DNAI4: variants seen among roughly 807,000 people sequenced by gnomAD.
The protein encoded by DNAI4 is dynein axonemal intermediate chain 4.
A neutral mutation model predicts 105.8 loss-of-function variants in DNAI4; 85 were observed. That is an observed-to-expected ratio of 0.80 (90% CI 0.67 to 0.96). The LOEUF (loss-of-function observed/expected upper bound fraction) is 0.96, where lower values mean the gene tolerates loss of function less well. DNAI4 is among the 40% of genes least tolerant of loss of function. DNAI4 has a pLI of 0.00. For missense variants in DNAI4, 1,014 were observed against 1,005.6 expected, an observed-to-expected ratio of 1.01 and a Z score of -0.11; for synonymous variants, 352 against 331.5, an observed-to-expected ratio of 1.06 and a Z score of -0.67.
Position 66,871,442 on chromosome 1 carries a change from T to A in DNAI4, c.868A>T (p.Met290Leu), listed in dbSNP as rs751583729. 6.2e-7 allele frequency: 1 copy of A among 1,610,682 alleles called. No homozygotes were observed. Among genetic ancestry groups the A allele is most frequent in the Non-Finnish European group, 8.5e-7 (1 of 1,177,426 alleles). ...GGTGCTCCATTGAAAGTCTGCATCA[T>A]CCTTTCAACATATAGGTCATTGCCT... ...RLGNDLYVER[M>L]MQTFNGAPKN... The change falls in exon 6 of 17, where the codon ATG (methionine) becomes TTG (leucine). Residue 290 changes from methionine (M) to leucine (L), a missense_variant. Physicochemically the swap from Met to Leu is conservative, Grantham distance 15. Coordinates refer to ENST00000371026, the MANE Select transcript of DNAI4 (RefSeq NM_024763.5).
At chr1:66,854,744 C>G (rs1217849732) in intron 7 of DNAI4, among the ~76,000 whole-genome samples, 2 of 152,126 alleles carry the variant, frequency 1.3e-5, no homozygotes, top group Admixed American at 6.5e-5. Context: ...GCAGAGATTG[C>G]ATTGAGCCAA....
At chr1:66,853,216 G>A (rs940267637) in intron 7 of DNAI4, among the ~76,000 whole-genome samples, 2 of 152,240 alleles carry the variant, frequency 1.3e-5, no homozygotes, top group African/African-American at 2.4e-5. Flanking sequence ...CAATCACCAG[G>A]AAGGGCGTGA....
At chr1:66,837,542 C>T (rs955027442) in intron 10 of DNAI4, 168 bp downstream of exon 10, 4 of 769,918 alleles carry the variant, frequency 5.2e-6, no homozygotes, top group African/African-American at 3.6e-5. Flanking sequence ...TTATCTTTAC[C>T]CTATGTCAAC....
Position 66,826,983 on chromosome 1 carries a change from C to A in DNAI4, c.2176G>T (p.Asp726Tyr), listed in dbSNP as rs34266482. The A allele has an allele frequency of 1.5e-4, 238 of 1,613,956 alleles. No individual in the cohort carries two copies. The highest frequency in any genetic ancestry group is 1.6e-4 in the Middle Eastern group (1 of 6,082). ...TGTTGCCATATAATAACACCCCAAT[C>A]TGCAGAACAGCTTAAAAATACATCA... is the stretch of plus-strand genomic sequence containing the variant. The part of the protein sequence containing the change: ...CHDVFLSCSA[D>Y]WGVIIWQQEN... Residue 726 changes from aspartate to tyrosine, a missense_variant, in exon 15 of 17, where the codon GAT becomes TAT. By Grantham distance (160) the Asp-to-Tyr change is radical. Coordinates refer to ENST00000371026, the MANE Select transcript of DNAI4 (RefSeq NM_024763.5).
intron 2 of DNAI4, among the ~76,000 whole-genome samples, chr1:66,898,134 T>G (rs920448644): frequency 6.6e-6 from 1 of 152,208 alleles, no homozygotes; most frequent in Admixed American, 6.5e-5. Context: ...TCTGCTGAGT[T>G]CAGACTGTTT....
At chr1:66,893,030 GA>G (rs1442262147) in intron 3 of DNAI4, among the ~76,000 whole-genome samples, 198 bp downstream of exon 3, 2 of 112,864 alleles carry the variant, frequency 1.8e-5, no homozygotes, top group African/African-American at 7.5e-5. Context: ...AAGAAAGAAA[GA>G]GAGGAAAGAA....
At chr1:66,905,534 A>G (rs1649178119) in intron 1 of DNAI4, among the ~76,000 whole-genome samples, 159 bp from the exon 2 acceptor site, 1 of 152,236 alleles carries the variant, frequency 6.6e-6, no homozygotes, top group Non-Finnish European at 1.5e-5. Flanking sequence ...GTATAAACAT[A>G]GTTCTAAAGA....
intron 16 of DNAI4, among the ~76,000 whole-genome samples, chr1:66,814,907 C>T (rs1177371610): frequency 6.6e-6 from 1 of 151,954 alleles, no homozygotes. Flanking sequence ...CTGATATTTG[C>T]ACTAAAATGG....
At chr1:66,923,165 C>T (rs1331668877) in intron 1 of DNAI4, among the ~76,000 whole-genome samples, 1 of 152,192 alleles carries the variant, frequency 6.6e-6, no homozygotes. Flanking sequence ...GTATTCAGTA[C>T]AGTAACATGC....
In DNAI4 at chr1:66,900,148, C is replaced by A. The variant is rs571645210; in HGVS notation, c.345+5053G>T. 2.3e-4 allele frequency among the ~76,000 whole-genome samples: 35 copies of A among 152,224 alleles called. No individual in the cohort carries two copies. In the East Asian group the frequency reaches 5.4e-3, roughly 24 times the overall value. On this transcript the variant is annotated intron_variant, in intron 2 of 16. Coordinates refer to ENST00000371026, the MANE Select transcript of DNAI4 (RefSeq NM_024763.5). The stretch of plus-strand genomic sequence containing the variant: ...GCAATGGTGCGATCTTGGCTTATGG[C>A]AACTTCTGCCTCCCAAGTTTAAGCG...
chr1:66,822,581 A>T (rs1056725503), intron 15 of DNAI4, 64 bp from the exon 16 acceptor site: 1 of 1,327,764 alleles, frequency 7.5e-7, no homozygotes, highest in South Asian at 2.0e-5. Context: ...TAAATAGACA[A>T]AGAAAAATTT....
intron 1 of DNAI4, chr1:66,921,293 T>G (rs910042437): frequency 1.3e-5 from 2 of 152,178 alleles, no homozygotes; most frequent in African/African-American, 2.4e-5. Context: ...AATGGGAGAC[T>G]TGTCCAGTAT....
intron 4 of DNAI4, among the ~76,000 whole-genome samples, chr1:66,879,363 G>A (rs557907477): frequency 6.6e-6 from 1 of 152,252 alleles, no homozygotes; most frequent in South Asian, 2.1e-4. Context: ...TGGATTCATA[G>A]CTCATTTTTT....
intron 15 of DNAI4, among the ~76,000 whole-genome samples, chr1:66,823,489 C>T (rs1314796559): frequency 1.3e-5 from 2 of 148,930 alleles, no homozygotes; most frequent in Non-Finnish European, 3.0e-5. Context: ...GCCACACTGA[C>T]TTCCACAATG....
chr1:66,920,040 C>T (rs1258163363), intron 1 of DNAI4, among the ~76,000 whole-genome samples: 5 of 152,332 alleles, frequency 3.3e-5, no homozygotes, highest in Non-Finnish European at 7.4e-5. Flanking sequence ...AAAGTGAGAA[C>T]ATACATCTGT....
intron 16 of DNAI4, among the ~76,000 whole-genome samples, chr1:66,815,712 C>A (rs751865134): frequency 6.6e-6 from 1 of 152,186 alleles, no homozygotes; most frequent in African/African-American, 2.4e-5. Flanking sequence ...CTCTACAGCT[C>A]AAGACATAGA....
At chr1:66,822,813 C>A (rs1041072442) in intron 15 of DNAI4, among the ~76,000 whole-genome samples, 7 of 151,986 alleles carry the variant, frequency 4.6e-5, no homozygotes, top group Non-Finnish European at 2.9e-5. Flanking sequence ...GGCTATGGTA[C>A]CCAGAGGTTT....
chr1:66,842,937 C>T (rs1646182800), intron 8 of DNAI4, among the ~76,000 whole-genome samples: 2 of 151,946 alleles, frequency 1.3e-5, no homozygotes, highest in Admixed American at 6.6e-5. Flanking sequence ...GTGGCTCACA[C>T]CTGTAATCCC....
chr1:66,905,423 G>A lies in DNAI4; in HGVS notation c.171-48C>T, dbSNP rs553123728. On this transcript the variant is annotated intron_variant, in intron 1 of 16. Coordinates refer to ENST00000371026, the MANE Select transcript of DNAI4 (RefSeq NM_024763.5). ...AATGCAAAGGATTCAAGATTGAAAA[G>A]AAAAATCAACCAACAATAAAAAAGT... is the stretch of plus-strand genomic sequence containing the variant. 100 of 1,270,342 alleles carry A rather than the reference G, an allele frequency of 7.9e-5. No individual in the cohort carries two copies. In the African/African-American group the frequency reaches 1.4e-3, roughly 18 times the overall value. The allele number at this position is 1,270,342 out of a possible 1,614,324, so 78.7% of individuals were successfully genotyped here. A position where few individuals can be genotyped will look rare whatever the true frequency, so the allele number is the denominator to read the frequency against.
Sources: gnomAD v4.1 joint callset for allele counts (sites outside exome capture counted in the v4.1 genomes callset) on GRCh38, gnomAD v4.1.1 for gene constraint, MANE v1.5 for transcripts, NCBI Gene and HGNC (gene_info 2026-07-23, HGNC 2026-07-21) for gene names.